ARMH3: variants seen among roughly 807,000 people sequenced by gnomAD.
ARMH3 encodes armadillo like helical domain containing 3.
Under a neutral mutation model 99.1 loss-of-function variants are expected in ARMH3, and 60 were observed. The ratio of observed to expected loss-of-function variants is 0.61; its 90% CI spans 0.49 to 0.75. The LOEUF is 0.75. Among genes scored for constraint, ARMH3 ranks in the 30% least tolerant of loss-of-function variants. The pLI, the probability that ARMH3 is intolerant of heterozygous loss-of-function variation, is 0.00. For missense variants in ARMH3, 679 were observed against 843.1 expected (o/e 0.81, Z 2.41); for synonymous variants, 285 against 292.8 (o/e 0.97, Z 0.27).
chr10:101,943,685 G>A (rs150133027), intron 22 of ARMH3, among the ~76,000 whole-genome samples: 2 of 152,080 alleles, frequency 1.3e-5, no homozygotes, highest in East Asian at 1.9e-4. Context: ...AAAAATATAC[G>A]AAGCATAAGC....
rs3808939 is a variant in ARMH3, at chr10:101,993,640, C to A, written c.1210-37G>T. The A allele has an allele frequency of 2.7e-4, 372 of 1,401,878 alleles. No individual in the cohort carries two copies. The East Asian group carries it at 8.4e-3, about 32-fold the overall frequency. The allele number at this position is 1,401,878 out of a possible 1,614,324, so 86.8% of individuals were successfully genotyped here. On this transcript the variant is annotated intron_variant, in intron 16 of 25. Coordinates refer to ENST00000370033, the MANE Select transcript of ARMH3 (RefSeq NM_024541.3). ...ATAGAGAAAAAGTAAGAAGCGAGAGCTATATTTAAGAAACTGTAATCTATC... is the reference window on the plus strand; with the variant it reads ...ATAGAGAAAAAGTAAGAAGCGAGAGATATATTTAAGAAACTGTAATCTATC...
At position 101,846,050 on chromosome 10, in the gene ARMH3, T is replaced by C. The variant is rs1389102965; in HGVS notation, c.*1478A>G. 1 of 152,164 alleles carries C rather than the reference T, an allele frequency of 6.6e-6. No homozygotes were observed. The highest frequency in any genetic ancestry group is 1.5e-5 in the Non-Finnish European group (1 of 68,010). The allele number at this position is 152,164 out of a possible 1,614,324, so 9.4% of individuals were successfully genotyped here. On this transcript the variant is annotated 3_prime_UTR_variant, in exon 26 of 26. Transcript: ENST00000370033. ...CAGAGGCAGCTGTTGGGAAAGCCTATAGTGGTTCCATGGAGGCTATCCAAG... is the reference window on the plus strand; with the variant it reads ...CAGAGGCAGCTGTTGGGAAAGCCTACAGTGGTTCCATGGAGGCTATCCAAG...
chr10:101,988,922 C>CAAAAAAAAAAAAAAAAAAA (rs35605193), intron 19 of ARMH3, among the ~76,000 whole-genome samples: 1 of 56,582 alleles, frequency 1.8e-5, no homozygotes. Flanking sequence ...GACTCTGTCT[C>CAAAAAAAAAAAAAAAAAAA]AAAAAAAAAA....
chr10:102,032,915 A>G, intron 4 of ARMH3, 111 bp downstream of exon 4: 1 of 1,261,592 alleles, frequency 7.9e-7, no homozygotes, highest in Non-Finnish European at 1.1e-6. Context: ...TACAGAAATA[A>G]AAAAGAAAAC....
chr10:101,982,447 A>G (rs1846278179), intron 19 of ARMH3, among the ~76,000 whole-genome samples: 1 of 152,222 alleles, frequency 6.6e-6, no homozygotes, highest in South Asian at 2.1e-4. Context: ...ATCAATACAT[A>G]CATGGAAAAA....
intron 6 of ARMH3, 95 bp from the exon 7 acceptor site, chr10:102,023,844 T>A: frequency 8.4e-7 from 1 of 1,195,966 alleles, no homozygotes; most frequent in Non-Finnish European, 1.2e-6. Context: ...ACAAAAATAT[T>A]AAAATATTTC....
At chr10:102,025,021 C>T in intron 6 of ARMH3, 135 bp downstream of exon 6, 1 of 724,150 alleles carries the variant, frequency 1.4e-6, no homozygotes, top group Non-Finnish European at 2.3e-6. Flanking sequence ...TCCTATACAT[C>T]CAGACACGAG....
intron 24 of ARMH3, among the ~76,000 whole-genome samples, chr10:101,881,272 G>C (rs1278756967): frequency 6.6e-6 from 1 of 152,122 alleles, no homozygotes; most frequent in African/African-American, 2.4e-5. Context: ...ACACCTTTCT[G>C]CTCTTCCCAG....
intron 19 of ARMH3, among the ~76,000 whole-genome samples, chr10:101,976,383 A>ATCTCTCTCTCTCTCTCTCTCTC (rs542700143): frequency 1.5e-5 from 2 of 131,378 alleles, no homozygotes; most frequent in Non-Finnish European, 3.3e-5. Flanking sequence ...AGATTAATCA[A>ATCTCTCTCTCTCTCTCTCTCTC]TCTCTCTCTC....
At chr10:101,863,705 G>T (rs1206715659) in intron 24 of ARMH3, among the ~76,000 whole-genome samples, 2 of 151,914 alleles carry the variant, frequency 1.3e-5, no homozygotes, top group Non-Finnish European at 2.9e-5. Flanking sequence ...TGAGAGGATC[G>T]CTTGAGCCCA....
At chr10:102,040,872 T>C (rs2067394577) in intron 1 of ARMH3, among the ~76,000 whole-genome samples, 1 of 152,008 alleles carries the variant, frequency 6.6e-6, no homozygotes, top group African/African-American at 2.4e-5. Context: ...ATGTGCTTCA[T>C]TGATTTCCCC....
intron 22 of ARMH3, among the ~76,000 whole-genome samples, chr10:101,954,882 T>C (rs1281205039): frequency 6.6e-6 from 1 of 152,210 alleles, no homozygotes; most frequent in Non-Finnish European, 1.5e-5. Flanking sequence ...ATCTTGTTGC[T>C]GTAGCTACAA....
At chr10:101,944,974 T>G (rs993978036) in intron 22 of ARMH3, among the ~76,000 whole-genome samples, 1 of 152,170 alleles carries the variant, frequency 6.6e-6, no homozygotes, top group African/African-American at 2.4e-5. Context: ...AAATATCTTT[T>G]TAAAAAATGG....
intron 2 of ARMH3, among the ~76,000 whole-genome samples, chr10:102,038,026 C>A (rs946988112): frequency 6.6e-6 from 1 of 151,614 alleles, no homozygotes; most frequent in Non-Finnish European, 1.5e-5. Flanking sequence ...TGGCACTTCC[C>A]ATCCCCAAAG....
At chr10:101,946,194 A>G (rs954890946) in intron 22 of ARMH3, among the ~76,000 whole-genome samples, 1 of 151,952 alleles carries the variant, frequency 6.6e-6, no homozygotes, top group African/African-American at 2.4e-5. Context: ...AAGACAAAAA[A>G]CAGATATCTG....
At chr10:102,049,012 C>A (rs1446271987) in intron 1 of ARMH3, among the ~76,000 whole-genome samples, 1 of 148,860 alleles carries the variant, frequency 6.7e-6, no homozygotes, top group Non-Finnish European at 1.5e-5. Flanking sequence ...TTTTTTTTTT[C>A]CTTTGTGAAG....
At chr10:101,894,142 C>T (rs775226569) in intron 23 of ARMH3, among the ~76,000 whole-genome samples, 22 of 152,110 alleles carry the variant, frequency 1.4e-4, no homozygotes, top group African/African-American at 5.1e-4. Flanking sequence ...GTATATGTGT[C>T]GGCCTTATGT....
At chr10:101,861,000 A>C (rs1321797537) in intron 24 of ARMH3, among the ~76,000 whole-genome samples, 1 of 152,266 alleles carries the variant, frequency 6.6e-6, no homozygotes, top group Non-Finnish European at 1.5e-5. Flanking sequence ...ATCAAGAAGC[A>C]GAAAAATGTG....
At chr10:101,863,866 G>C (rs1029269404) in intron 24 of ARMH3, among the ~76,000 whole-genome samples, 1 of 151,972 alleles carries the variant, frequency 6.6e-6, no homozygotes, top group Non-Finnish European at 1.5e-5. Context: ...TTCGAGACTG[G>C]CCTGGCCAAT....
Sources: gnomAD v4.1 joint callset for allele counts (sites outside exome capture counted in the v4.1 genomes callset) on GRCh38, gnomAD v4.1.1 for gene constraint, MANE v1.5 for transcripts, NCBI Gene and HGNC (gene_info 2026-07-23, HGNC 2026-07-21) for gene names.